GAREM1: variants seen among roughly 807,000 people sequenced by gnomAD.
The protein encoded by GAREM1 is GRB2 associated regulator of MAPK1 subtype 1, also known as GRB2-associated and regulator of MAPK protein 1.
A neutral mutation model predicts 71.3 loss-of-function variants in GAREM1; 26 were observed. The ratio of observed to expected loss-of-function variants is 0.36; its 90% confidence interval spans 0.27 to 0.51. The LOEUF (loss-of-function observed/expected upper bound fraction) is 0.51. Ranked by LOEUF, GAREM1 falls within the 20% of genes least tolerant of loss-of-function variation. The pLI, the probability that GAREM1 is intolerant of heterozygous loss-of-function variation, is 0.95. For synonymous variants in GAREM1, 440 were observed against 433.2 expected (o/e 1.02, Z -0.20); for missense variants, 1,026 against 1,103.1 (o/e 0.93, Z 0.99).
At position 32,265,742 on chromosome 18, in the gene GAREM1, G is replaced by A. The variant is rs2144403344; in HGVS notation, c.*2129C>T. The A allele has an allele frequency of 1.3e-5, 2 of 152,300 alleles. No individual in the cohort carries two copies. Among genetic ancestry groups the A allele is most frequent in the Middle Eastern group, 3.4e-3 (1 of 294 alleles). 9.4% of individuals were successfully genotyped at this position (152,300 alleles called of 1,614,324 possible). A position where few individuals can be genotyped will look rare whatever the true frequency, so the allele number is the denominator to read the frequency against. ...AAAAGGAGTCAGTTGTTTATGTGAG[G>A]CAACCTTTATAGTAAACCCAAACCA... On this transcript the variant is annotated 3_prime_UTR_variant, in exon 6 of 6. Coordinates refer to ENST00000269209, the MANE Select transcript of GAREM1 (RefSeq NM_001242409.2).
intron 1 of GAREM1, among the ~76,000 whole-genome samples, chr18:32,419,632 G>C (rs1376985507): frequency 6.6e-6 from 1 of 152,090 alleles, no homozygotes; most frequent in African/African-American, 2.4e-5. Flanking sequence ...TGTTACAGCA[G>C]CCTGAACTAA....
intron 2 of GAREM1, among the ~76,000 whole-genome samples, chr18:32,328,804 T>C (rs2047497659): frequency 6.6e-6 from 1 of 152,072 alleles, no homozygotes; most frequent in African/African-American, 2.4e-5. Flanking sequence ...AGCAAAACAT[T>C]GATTACTTTA....
intron 1 of GAREM1, among the ~76,000 whole-genome samples, chr18:32,402,487 T>G (rs1205598908): frequency 6.7e-6 from 1 of 150,212 alleles, no homozygotes; most frequent in African/African-American, 2.5e-5. Flanking sequence ...GGTAATTCTC[T>G]TTTCTGCTCT....
intron 2 of GAREM1, among the ~76,000 whole-genome samples, chr18:32,324,946 T>C (rs1181372772): frequency 1.3e-5 from 2 of 152,138 alleles, no homozygotes; most frequent in African/African-American, 4.8e-5. Context: ...GATGAATAGG[T>C]GGAACACAGA....
At chr18:32,301,889 A>C (rs1437627780) in intron 3 of GAREM1, among the ~76,000 whole-genome samples, 1 of 152,180 alleles carries the variant, frequency 6.6e-6, no homozygotes, top group Non-Finnish European at 1.5e-5. Context: ...TTTACTATTA[A>C]TAAGATATAA....
chr18:32,314,667 C>A (rs1206293559), intron 2 of GAREM1, among the ~76,000 whole-genome samples: 1 of 151,592 alleles, frequency 6.6e-6, no homozygotes, highest in Non-Finnish European at 1.5e-5. Flanking sequence ...CAGCTCACTG[C>A]AACCTCCGCC....
intron 3 of GAREM1, among the ~76,000 whole-genome samples, chr18:32,307,324 T>A (rs982359929): frequency 6.6e-6 from 1 of 152,362 alleles, no homozygotes; most frequent in Non-Finnish European, 1.5e-5. Flanking sequence ...GTATCTGAAG[T>A]AGAAGAGAGA....
chr18:32,430,596 AC>A (rs2144256434), intron 1 of GAREM1, among the ~76,000 whole-genome samples: 1 of 152,322 alleles, frequency 6.6e-6, no homozygotes, highest in Non-Finnish European at 1.5e-5. Flanking sequence ...CCATAGAGAG[AC>A]TGCATGGGGC....
At chr18:32,388,583 C>T (rs950490846) in intron 2 of GAREM1, among the ~76,000 whole-genome samples, 5 of 152,200 alleles carry the variant, frequency 3.3e-5, no homozygotes, top group Non-Finnish European at 7.3e-5. Context: ...GGGCAAAGGA[C>T]ATCCCTTGCC....
intron 1 of GAREM1, among the ~76,000 whole-genome samples, chr18:32,450,701 T>C (rs994445104): frequency 1.3e-5 from 2 of 152,304 alleles, no homozygotes; most frequent in African/African-American, 4.8e-5. Context: ...CTCCAGCCTT[T>C]AGCACTTACT....
chr18:32,334,944 CT>C (rs760448574), intron 2 of GAREM1, among the ~76,000 whole-genome samples: 35 of 152,170 alleles, frequency 2.3e-4, no homozygotes, highest in Non-Finnish European at 4.4e-4. Context: ...CCTCTCTTTG[CT>C]GGCGAATGCC....
intron 2 of GAREM1, among the ~76,000 whole-genome samples, chr18:32,330,432 T>C (rs1044204616): frequency 2.0e-5 from 3 of 152,106 alleles, no homozygotes; most frequent in African/African-American, 7.2e-5. Context: ...ACAGGATCAT[T>C]TGTATCACAA....
At chr18:32,405,873 G>T (rs2048360710) in intron 1 of GAREM1, among the ~76,000 whole-genome samples, 1 of 152,210 alleles carries the variant, frequency 6.6e-6, no homozygotes, top group Admixed American at 6.5e-5. Flanking sequence ...ACACTGAGTT[G>T]TTATGTAAGA....
At chr18:32,280,618 G>A (rs1442303868) in intron 4 of GAREM1, among the ~76,000 whole-genome samples, 1 of 152,134 alleles carries the variant, frequency 6.6e-6, no homozygotes, top group Non-Finnish European at 1.5e-5. Flanking sequence ...CTTTTTGGGG[G>A]CATATGATGA....
intron 2 of GAREM1, among the ~76,000 whole-genome samples, chr18:32,339,956 C>A (rs2047633095): frequency 6.6e-6 from 1 of 152,178 alleles, no homozygotes; most frequent in Non-Finnish European, 1.5e-5. Context: ...GCTGGAGTGA[C>A]CACTCTAAAA....
At chr18:32,424,145 C>A (rs868297346) in intron 1 of GAREM1, among the ~76,000 whole-genome samples, 4 of 149,592 alleles carry the variant, frequency 2.7e-5, no homozygotes. Flanking sequence ...TCCCCACCAG[C>A]CAGAAAAAAA....
At chr18:32,433,914 T>C (rs1022944805) in intron 1 of GAREM1, among the ~76,000 whole-genome samples, 1 of 152,146 alleles carries the variant, frequency 6.6e-6, no homozygotes, top group African/African-American at 2.4e-5. Context: ...GCAGGTTTTT[T>C]TGTAGATACA....
In GAREM1 at chr18:32,266,492, G is replaced by C. The variant is rs77027336; in HGVS notation, c.*1379C>G. 6.6e-6 allele frequency: 1 copy of C among 152,044 alleles called. No individual in the cohort carries two copies. Among genetic ancestry groups the C allele is most frequent in the Non-Finnish European group, 1.5e-5 (1 of 68,028 alleles). 9.4% of individuals were successfully genotyped at this position (152,044 alleles called of 1,614,324 possible). On this transcript the variant is annotated 3_prime_UTR_variant, in exon 6 of 6. Transcript: ENST00000269209. ...ATGCCTTGCTCTGAGAACTAATACA[G>C]TCTTAAGATGTATATTCTCTAAAAA... is the stretch of plus-strand genomic sequence containing the variant.
chr18:32,447,690 T>C (rs1408406435), intron 1 of GAREM1, among the ~76,000 whole-genome samples: 1 of 152,202 alleles, frequency 6.6e-6, no homozygotes, highest in Non-Finnish European at 1.5e-5. Flanking sequence ...TAAGAAATGA[T>C]GTAACTTTAG....
Sources: gnomAD v4.1 joint callset for allele counts (sites outside exome capture counted in the v4.1 genomes callset) on GRCh38, gnomAD v4.1.1 for gene constraint, MANE v1.5 for transcripts, NCBI Gene and HGNC (gene_info 2026-07-23, HGNC 2026-07-21) for gene names.